PRPF39: variants seen among roughly 807,000 people sequenced by gnomAD.
PRPF39 encodes the protein pre-mRNA processing factor 39.
PRPF39 carries 27 observed loss-of-function variants against 82.1 expected under a neutral mutation model. The ratio of observed to expected loss-of-function variants is 0.33; its 90% CI spans 0.24 to 0.45. PRPF39 has a LOEUF of 0.45. Ranked by LOEUF, PRPF39 falls within the 20% of genes least tolerant of loss-of-function variation. The pLI is 1.00. For missense variants in PRPF39, 581 were observed against 796.9 expected, an observed-to-expected ratio of 0.73 and a Z score of 3.26; for synonymous variants, 261 against 256.4, an observed-to-expected ratio of 1.02 and a Z score of -0.17.
intron 1 of PRPF39, among the ~76,000 whole-genome samples, chr14:45,092,767 C>T (rs1256958267): frequency 6.6e-6 from 1 of 152,106 alleles, no homozygotes; most frequent in Non-Finnish European, 1.5e-5. Flanking sequence ...CTTCCCTAGA[C>T]CTCAGAATCA....
intron 1 of PRPF39, among the ~76,000 whole-genome samples, chr14:45,091,922 C>T (rs1383650972): frequency 1.3e-5 from 2 of 152,094 alleles, no homozygotes; most frequent in Non-Finnish European, 2.9e-5. Flanking sequence ...AATTTATTTC[C>T]TTACACAATA....
At chr14:45,111,800 G>T (rs1398348616) in intron 10 of PRPF39, among the ~76,000 whole-genome samples, 1 of 151,696 alleles carries the variant, frequency 6.6e-6, no homozygotes, top group Non-Finnish European at 1.5e-5. Flanking sequence ...CACCACGCCA[G>T]TTAATTTTTG....
At chr14:45,092,331 G>T (rs755022393) in intron 1 of PRPF39, among the ~76,000 whole-genome samples, 39 of 152,112 alleles carry the variant, frequency 2.6e-4, no homozygotes, top group Non-Finnish European at 5.0e-4. Flanking sequence ...GGCTGTGCAC[G>T]GTGGCTCACG....
In PRPF39 at chr14:45,095,489, T is replaced by A. The variant is rs1174139107; in HGVS notation, c.250T>A (p.Phe84Ile). The A allele has an allele frequency of 6.2e-7, 1 of 1,613,680 alleles. No homozygotes were observed. The highest frequency in any genetic ancestry group is 8.5e-7 in the Non-Finnish European group (1 of 1,179,790). Residue 84 changes from phenylalanine (F) to isoleucine (I), a missense_variant, in exon 2 of 14, where the codon TTT becomes ATT. Coordinates refer to ENST00000355765, the MANE Select transcript of PRPF39 (RefSeq NM_017922.4). ...AAATTTCCCTCCAGAATATGAAAAA[T>A]TTTGGAAAACTGTAGAAAATAATCC... ...EANFPPEYEKFWKTVENNPQD... is the reference protein window; with the variant it reads ...EANFPPEYEKIWKTVENNPQD...
chr14:45,114,497 A>G lies in PRPF39; in HGVS notation c.1836A>G (p.Ser612=). The G allele has an allele frequency of 6.4e-7, 1 of 1,573,728 alleles. No homozygotes were observed. Residue 612 remains serine, a synonymous_variant, in exon 13 of 14, where the codon TCA becomes TCG. Transcript: ENST00000355765. ...DSLKRKAENG[S]EEPEEKKAHT... is the part of the protein sequence containing the mutation. ...TCCATTCTGACGTTTTATATAGATCAGAAGAACCAGAGGAAAAGAAAGCAC... is the reference window on the plus strand; with the variant it reads ...TCCATTCTGACGTTTTATATAGATCGGAAGAACCAGAGGAAAAGAAAGCAC...
In PRPF39 at chr14:45,110,614, G is replaced by C; in HGVS notation, c.1369G>C (p.Val457Leu). 1 of 1,572,312 alleles carries C rather than the reference G, an allele frequency of 6.4e-7. No individual in the cohort carries two copies. The highest frequency in any genetic ancestry group is 8.6e-7 in the Non-Finnish European group (1 of 1,157,316). ...AGAATGTGTTCTAGGATTGGCAATGGTTCGTTTACGAAGAGTAAGTTTAGA... is the reference window on the plus strand; with the variant it reads ...AGAATGTGTTCTAGGATTGGCAATGCTTCGTTTACGAAGAGTAAGTTTAGA... The part of the protein sequence containing the change: ...FEECVLGLAM[V>L]RLRRVSLERR... Residue 457 changes from valine to leucine, a missense_variant, in exon 10 of 14, where the codon GTT becomes CTT. Coordinates refer to ENST00000355765, the MANE Select transcript of PRPF39 (RefSeq NM_017922.4). This position sits in a 1 kb window ranked among gnomAD's most constrained non-coding sequence, Gnocchi z 4.0.
chr14:45,112,414 G>A lies in PRPF39; in HGVS notation c.1669G>A (p.Val557Ile). The stretch of plus-strand genomic sequence containing the variant: ...TATCCTAAATTGTTTTGACAAAGCT[G>A]TACATGGTTCATTACCTATTAAAAT... ...ENILNCFDKA[V>I]HGSLPIKMRI... The change falls in exon 11 of 14, where the codon GTA (valine) becomes ATA (isoleucine). Residue 557 changes from valine to isoleucine, a missense_variant. Coordinates refer to ENST00000355765, the MANE Select transcript of PRPF39 (RefSeq NM_017922.4). The A allele has an allele frequency of 1.9e-6, 3 of 1,572,532 alleles. No homozygotes were observed. Among genetic ancestry groups the A allele is most frequent in the Non-Finnish European group, 1.7e-6 (2 of 1,167,794 alleles).
Position 45,110,510 on chromosome 14 carries a change from G to A in PRPF39, c.1304-39G>A. ...TCTGGTTATAAACGTTATTTTGGTTGTTTAAACCAAAGCATAAACATTTAA... is the reference window on the plus strand; with the variant it reads ...TCTGGTTATAAACGTTATTTTGGTTATTTAAACCAAAGCATAAACATTTAA... On this transcript the variant is annotated intron_variant, in intron 9 of 13. Transcript: ENST00000355765. This position sits in a 1 kb window ranked among gnomAD's most constrained non-coding sequence, Gnocchi z 4.0. The A allele has an allele frequency of 1.3e-6, 2 of 1,530,074 alleles. No homozygotes were observed. Among genetic ancestry groups the A allele is most frequent in the Non-Finnish European group, 1.8e-6 (2 of 1,131,810 alleles). 94.8% of individuals were successfully genotyped at this position (1,530,074 alleles called of 1,614,324 possible).
chr14:45,104,417 C>T (rs1175729054), intron 5 of PRPF39, among the ~76,000 whole-genome samples: 1 of 152,048 alleles, frequency 6.6e-6, no homozygotes, highest in Non-Finnish European at 1.5e-5. Flanking sequence ...GCTTTGAGAA[C>T]CACTGAATGT....
At chr14:45,101,700 A>G (rs922972633) in intron 4 of PRPF39, among the ~76,000 whole-genome samples, 5 of 151,972 alleles carry the variant, frequency 3.3e-5, no homozygotes, top group Non-Finnish European at 7.4e-5. Flanking sequence ...TCCTGGCCTC[A>G]TGTGCTGGAA....
rs1378842826 is a variant in PRPF39 at position 45,114,189 on chromosome 14, G to T, written c.1764G>T (p.Leu588=). The T allele has an allele frequency of 6.3e-7, 1 of 1,584,526 alleles. No individual in the cohort carries two copies. Among genetic ancestry groups the T allele is most frequent in the Non-Finnish European group, 8.6e-7 (1 of 1,161,872 alleles). Residue 588 remains leucine, a synonymous_variant, in exon 12 of 14, where the codon CTG becomes CTT. Transcript: ENST00000355765. ...TTTTTTTCTTTCCTTTCAGGCTTCT[G>T]AATGCTTATGATGAACATCAAACAC... is the stretch of plus-strand genomic sequence containing the variant. ...EDFGSDVNKL[L]NAYDEHQTLL...
intron 3 of PRPF39, 66 bp downstream of exon 3, chr14:45,096,294 GAT>G: frequency 9.9e-7 from 1 of 1,010,416 alleles, no homozygotes; most frequent in Non-Finnish European, 1.3e-6. Context: ...ACAAAACAAA[GAT>G]TTTTTTTTTT....
Position 45,095,322 on chromosome 14 carries a change from C to T in PRPF39, c.83C>T (p.Pro28Leu), listed in dbSNP as rs761151709. Residue 28 changes from proline to leucine, a missense_variant, in exon 2 of 14, where the codon CCT (proline) becomes CTT (leucine). By Grantham distance (98) the Pro-to-Leu change is moderately conservative. Transcript: ENST00000355765. ...GNSSEVVVEH[P>L]TDFSTEIMNV... ...AGTTCAGAGGTAGTGGTAGAACATCCTACTGATTTCAGTACTGAGATTATG... is the reference window on the plus strand; with the variant it reads ...AGTTCAGAGGTAGTGGTAGAACATCTTACTGATTTCAGTACTGAGATTATG... 11 of 1,613,266 alleles carry T rather than the reference C, an allele frequency of 6.8e-6. No individual in the cohort carries two copies. The highest frequency in any genetic ancestry group is 8.5e-6 in the Non-Finnish European group (10 of 1,179,222).
intron 7 of PRPF39, among the ~76,000 whole-genome samples, 192 bp from the exon 8 acceptor site, chr14:45,109,424 A>G (rs888090041): frequency 1.3e-5 from 2 of 150,804 alleles, no homozygotes; most frequent in African/African-American, 5.0e-5. Flanking sequence ...AATAGAGAGA[A>G]AATGTATTAT....
Position 45,116,106 on chromosome 14 carries a change from A to G in PRPF39, c.*1193A>G. ...ATTTTCCAGTTGACTCTTCCTTTAC[A>G]ATAGTAACAAGTTCTAACTAGTTGT... On this transcript the variant is annotated 3_prime_UTR_variant, in exon 14 of 14. Transcript: ENST00000355765. The G allele has an allele frequency of 1.1e-6, 1 of 886,868 alleles. No individual in the cohort carries two copies. The highest frequency in any genetic ancestry group is 1.8e-6 in the Non-Finnish European group (1 of 545,374). The allele number at this position is 886,868 out of a possible 1,614,324, so 54.9% of individuals were successfully genotyped here. A position where few individuals can be genotyped will look rare whatever the true frequency, so the allele number is the denominator to read the frequency against.
intron 3 of PRPF39, 132 bp from the exon 4 acceptor site, chr14:45,096,755 A>G: frequency 6.5e-7 from 1 of 1,536,344 alleles, no homozygotes; most frequent in Non-Finnish European, 8.8e-7. Flanking sequence ...CCTCCACCCA[A>G]ATGGTAATGG....
At chr14:45,105,525 C>CTT (rs201816309) in intron 5 of PRPF39, among the ~76,000 whole-genome samples, 15 of 133,436 alleles carry the variant, frequency 1.1e-4, no homozygotes, top group South Asian at 2.4e-4. Flanking sequence ...TATTTATATA[C>CTT]TTTTTTTTTT....
chr14:45,111,834 T>TA (rs201994106), intron 10 of PRPF39, among the ~76,000 whole-genome samples: 2,847 of 151,666 alleles, frequency 0.019, 32 homozygotes, highest in African/African-American at 0.038. Flanking sequence ...GATGGGGTTT[T>TA]ACCATGTTGG....
At chr14:45,112,208 A>G in intron 10 of PRPF39, 110 bp from the exon 11 acceptor site, 1 of 977,924 alleles carries the variant, frequency 1.0e-6, no homozygotes, top group Non-Finnish European at 1.4e-6. Context: ...GTATTTTAAT[A>G]CAATTTTCAA....
Sources: allele counts gnomAD v4.1 joint callset (sites outside exome capture counted in the v4.1 genomes callset), GRCh38; gene constraint gnomAD v4.1.1; non-coding constraint Gnocchi (gnomAD v3.1); transcripts MANE v1.5; gene names NCBI Gene and HGNC (gene_info 2026-07-23, HGNC 2026-07-21).